The following WDR55 variants were observed in gnomAD, a reference collection of about 807,000 sequenced individuals.
The protein encoded by WDR55 is WD repeat-containing protein 55.
A neutral mutation model predicts 34.0 loss-of-function variants in WDR55; 31 were observed. The observed-to-expected ratio is 0.91, with a 90% CI of 0.69 to 1.23. WDR55 has a LOEUF of 1.23. WDR55 is among the 50% of genes most tolerant of loss of function. The probability of loss-of-function intolerance (pLI) is 0.00; values close to 1 mark genes in which losing one functional copy is unlikely to be tolerated. For synonymous variants in WDR55, 164 were observed against 185.9 expected (o/e 0.88, Z 0.96); for missense variants, 440 against 494.6 (o/e 0.89, Z 1.05).
In WDR55 at chr5:140,666,969, T is replaced by G. The variant is rs898410828; in HGVS notation, c.192-1265T>G. 7.1e-6 allele frequency: 7 copies of G among 985,374 alleles called. No homozygotes were observed. In the African/African-American group the frequency reaches 1.2e-4, roughly 17 times the overall value. 61.0% of individuals were successfully genotyped at this position (985,374 alleles called of 1,614,324 possible). ...TGTTATGCTTATCAGATTTACTTAA[T>G]GAATTTAAACCTCAACCCCTCATTA... is the stretch of plus-strand genomic sequence containing the variant. On this transcript the variant is annotated intron_variant, in intron 1 of 6. Transcript: ENST00000358337.
At chr5:140,666,682 GA>G (rs1757933015) in intron 1 of WDR55, 1 of 984,936 alleles carries the variant, frequency 1.0e-6, no homozygotes, top group Admixed American at 6.2e-5. Flanking sequence ...GCCTCACAGA[GA>G]AATACCTTTT....
chr5:140,668,719 A>T lies in WDR55; in HGVS notation c.488A>T (p.Asp163Val). The part of the protein sequence containing the change: ...WDQRKEGPLM[D>V]MRQHEEYIAD... Reference sequence around the variant, plus strand: ...CAGCGGAAGGAGGGCCCCTTAATGGATATGAGGCAACATGAAGAGTACATC... The same window carrying T: ...CAGCGGAAGGAGGGCCCCTTAATGGTTATGAGGCAACATGAAGAGTACATC... The change falls in exon 4 of 7, where the codon GAT (aspartate) becomes GTT (valine). Residue 163 changes from aspartate (D) to valine (V), a missense_variant. By Grantham distance (152) the Asp-to-Val change is radical. Coordinates refer to ENST00000358337, the MANE Select transcript of WDR55 (RefSeq NM_017706.5). 6.2e-7 allele frequency: 1 copy of T among 1,614,176 alleles called. No individual in the cohort carries two copies. Among genetic ancestry groups the T allele is most frequent in the Non-Finnish European group, 8.5e-7 (1 of 1,180,040 alleles).
In WDR55 at chr5:140,668,506, A is replaced by C. The variant is rs1164217795; in HGVS notation, c.380+4A>C. 6.2e-7 allele frequency: 1 copy of C among 1,613,966 alleles called. No individual in the cohort carries two copies. On this transcript the variant is annotated splice_donor_region_variant and intron_variant, in intron 3 of 6. Transcript: ENST00000358337. ...GACGTGTTTCCAAGGCTCATGGGTA[A>C]GGAGAGCAGCCAATTCTGTGTATGT...
In WDR55 at chr5:140,669,443, G is replaced by A. The variant is rs1480575979; in HGVS notation, c.941G>A (p.Gly314Asp). 3 of 1,613,990 alleles carry A rather than the reference G, an allele frequency of 1.9e-6. No individual in the cohort carries two copies. In the African/African-American group the frequency reaches 4.0e-5, roughly 22 times the overall value. Residue 314 changes from glycine (G) to aspartate (D), a missense_variant, in exon 7 of 7, where the codon GGC becomes GAC. Physicochemically the swap from Gly to Asp is moderately conservative, Grantham distance 94. Coordinates refer to ENST00000358337, the MANE Select transcript of WDR55 (RefSeq NM_017706.5). Reference protein sequence around the residue: ...SHCGRFLASSGHDQRLKFWDM... With the variant: ...SHCGRFLASSDHDQRLKFWDM... ...TGTGGCCGCTTCCTGGCCAGTAGTG[G>A]CCATGACCAGCGCCTCAAGTTTTGG...
At position 140,664,980 on chromosome 5, in the gene WDR55, A is replaced by G. The variant is rs751926406; in HGVS notation, c.68A>G (p.Glu23Gly). The G allele has an allele frequency of 5.6e-6, 9 of 1,613,470 alleles. No homozygotes were observed. The highest frequency in any genetic ancestry group is 1.3e-5 in the African/African-American group (1 of 74,908). ...GSDEEDPDSM[E>G]APTRIRDTPE... ...GACGAGGAGGACCCAGACTCCATGG[A>G]AGCCCCAACCCGGATCCGGGACACT... Residue 23 changes from glutamate (E) to glycine (G), a missense_variant, in exon 1 of 7, where the codon GAA becomes GGA. Glu to Gly is a moderately conservative substitution (Grantham distance 98). Transcript: ENST00000358337.
intron 1 of WDR55, chr5:140,666,702 TATG>T: frequency 1.0e-6 from 1 of 985,136 alleles, no homozygotes; most frequent in Non-Finnish European, 1.2e-6. Flanking sequence ...TTACATTATA[TATG>T]ATGCTCTGTG....
Position 140,665,095 on chromosome 5 carries a change from C to CGT in WDR55, c.186_187dup (p.Phe63CysfsTer50). The CGT allele has an allele frequency of 6.3e-7, 1 of 1,595,444 alleles. No individual in the cohort carries two copies. The highest frequency in any genetic ancestry group is 8.6e-7 in the Non-Finnish European group (1 of 1,169,018). Reference sequence around the variant, plus strand: ...TGGCTGCAGGGGACGTGGACGGGGACGTGTTCGTGTGAGAGCGGGGCAGGG... The same window carrying CGT: ...TGGCTGCAGGGGACGTGGACGGGGACGTGTGTTCGTGTGAGAGCGGGGCAGGG... On this transcript the variant is annotated frameshift_variant, in exon 1 of 7. Transcript: ENST00000358337. LOFTEE classifies it high-confidence loss of function.
chr5:140,667,132 CTA>C, intron 1 of WDR55: 1 of 985,426 alleles, frequency 1.0e-6, no homozygotes, highest in Non-Finnish European at 1.2e-6. Context: ...CCTTCTACTA[CTA>C]TCCATATTTA....
Position 140,671,225 on chromosome 5 carries a change from C to T in WDR55, c.*1571C>T, listed in dbSNP as rs1481714750. 10 of 1,602,410 alleles carry T rather than the reference C, an allele frequency of 6.2e-6. No individual in the cohort carries two copies. In the East Asian group the frequency reaches 6.7e-5, roughly 11 times the overall value. ...GGGGGTCAGAAAGTGGCCACCCAGG[C>T]CTGCTGGGATGGGGCCTGACACAGG... On this transcript the variant is annotated 3_prime_UTR_variant, in exon 7 of 7. Coordinates refer to ENST00000358337, the MANE Select transcript of WDR55 (RefSeq NM_017706.5).
Position 140,672,105 on chromosome 5 carries a change from CAG to C in WDR55, c.*2453_*2454del, listed in dbSNP as rs1342860369. ...TAATTCTCATAACAGTCTGAGGAAA[CAG>C]ATTCTATAGTAGTAAAAAGCTCAGT... On this transcript the variant is annotated 3_prime_UTR_variant, in exon 7 of 7. Transcript: ENST00000358337. 5.5e-6 allele frequency: 3 copies of C among 543,416 alleles called. No homozygotes were observed. The highest frequency in any genetic ancestry group is 2.1e-5 in the South Asian group (1 of 46,632). The allele number at this position is 543,416 out of a possible 1,614,324, so 33.7% of individuals were successfully genotyped here.
chr5:140,665,929 C>T (rs1165757370), intron 1 of WDR55, among the ~76,000 whole-genome samples: 1 of 150,508 alleles, frequency 6.6e-6, no homozygotes, highest in Non-Finnish European at 1.5e-5. Flanking sequence ...TGGATTCGGG[C>T]GGTGGAGGTT....
At position 140,670,852 on chromosome 5, in the gene WDR55, A is replaced by T. The variant is rs59018738; in HGVS notation, c.*1198A>T. ...CCAGCATAGAAAGACCCAAAACTAT[A>T]CAGAAACCAAAACCAGAATGCCATG... On this transcript the variant is annotated 3_prime_UTR_variant, in exon 7 of 7. Coordinates refer to ENST00000358337, the MANE Select transcript of WDR55 (RefSeq NM_017706.5). 442 of 252,278 alleles carry T rather than the reference A, an allele frequency of 1.8e-3. 2 individuals carry two copies. Among genetic ancestry groups the T allele is most frequent in the African/African-American group, 9.3e-3 (418 of 44,970 alleles). The allele number at this position is 252,278 out of a possible 1,614,324, so 15.6% of individuals were successfully genotyped here. A position where few individuals can be genotyped will look rare whatever the true frequency, so the allele number is the denominator to read the frequency against.
Position 140,665,030 on chromosome 5 carries a change from C to T in WDR55, c.118C>T (p.Pro40Ser). 6.2e-7 allele frequency: 1 copy of T among 1,613,898 alleles called. No homozygotes were observed. Among genetic ancestry groups the T allele is most frequent in the Non-Finnish European group, 8.5e-7 (1 of 1,179,862 alleles). The change falls in exon 1 of 7, where the codon CCG becomes TCG. Residue 40 changes from proline to serine, a missense_variant. Physicochemically the swap from Pro to Ser is moderately conservative, Grantham distance 74 (BLOSUM62 -1). Coordinates refer to ENST00000358337, the MANE Select transcript of WDR55 (RefSeq NM_017706.5). The part of the protein sequence containing the change: ...DTPEDIVLEA[P>S]ASGLAFHPAR... Reference sequence around the variant, plus strand: ...TCCGGAAGACATCGTGCTGGAAGCTCCGGCTAGTGGGCTGGCGTTCCATCC... The same window carrying T: ...TCCGGAAGACATCGTGCTGGAAGCTTCGGCTAGTGGGCTGGCGTTCCATCC...
In WDR55 at chr5:140,669,886, A is replaced by C; in HGVS notation, c.*232A>C. Reference sequence around the variant, plus strand: ...TGGGACTACAGGTGTGCACTACCACACCAGGCCAATTTTTGTTTTTTTTTT... The same window carrying C: ...TGGGACTACAGGTGTGCACTACCACCCCAGGCCAATTTTTGTTTTTTTTTT... On this transcript the variant is annotated 3_prime_UTR_variant, in exon 7 of 7. Coordinates refer to ENST00000358337, the MANE Select transcript of WDR55 (RefSeq NM_017706.5). 2.1e-6 allele frequency: 1 copy of C among 471,636 alleles called. No homozygotes were observed. Among genetic ancestry groups the C allele is most frequent in the Non-Finnish European group, 3.7e-6 (1 of 268,862 alleles). 29.2% of individuals were successfully genotyped at this position (471,636 alleles called of 1,614,324 possible).
At chr5:140,665,159 TG>T in intron 1 of WDR55, 56 bp downstream of exon 1, 3 of 1,493,270 alleles carry the variant, frequency 2.0e-6, no homozygotes, top group Non-Finnish European at 2.7e-6. Flanking sequence ...GGGGTGGACC[TG>T]GGAACAGGAG....
At chr5:140,666,528 T>C (rs1757929667) in intron 1 of WDR55, 3 of 730,480 alleles carry the variant, frequency 4.1e-6, no homozygotes, top group Admixed American at 1.3e-4. Context: ...CAGACTAAAA[T>C]TGGTTACCTG....
At chr5:140,665,142 C>A (rs888115748) in intron 1 of WDR55, 39 bp downstream of exon 1, 2 of 1,533,356 alleles carry the variant, frequency 1.3e-6, no homozygotes, top group Admixed American at 2.0e-5. Flanking sequence ...GGTCTGGAAG[C>A]TTCCCGGGGG....
At position 140,671,888 on chromosome 5, in the gene WDR55, A is replaced by G; in HGVS notation, c.*2234A>G. On this transcript the variant is annotated 3_prime_UTR_variant, in exon 7 of 7. Transcript: ENST00000358337. ...GTAGTGTGACCATGGGTAAGAAAAG[A>G]CAATGAAGCCTTCAGCCTCCATTAT... The G allele has an allele frequency of 1.0e-6, 1 of 961,874 alleles. No individual in the cohort carries two copies. The highest frequency in any genetic ancestry group is 1.6e-6 in the Non-Finnish European group (1 of 621,060). The allele number at this position is 961,874 out of a possible 1,614,324, so 59.6% of individuals were successfully genotyped here.
In WDR55 at chr5:140,671,456, G is replaced by A; in HGVS notation, c.*1802G>A. 2 of 1,609,932 alleles carry A rather than the reference G, an allele frequency of 1.2e-6. No individual in the cohort carries two copies. Among genetic ancestry groups the A allele is most frequent in the Non-Finnish European group, 1.7e-6 (2 of 1,179,116 alleles). ...CACAACCCAGATGAGGCCGCTGAAG[G>A]GCACCGGATGCCCAGGAATCACCAC... On this transcript the variant is annotated 3_prime_UTR_variant, in exon 7 of 7. Coordinates refer to ENST00000358337, the MANE Select transcript of WDR55 (RefSeq NM_017706.5).
Sources: gnomAD v4.1 joint callset for allele counts (sites outside exome capture counted in the v4.1 genomes callset) on GRCh38, gnomAD v4.1.1 for gene constraint, MANE v1.5 for transcripts, NCBI Gene and HGNC (gene_info 2026-07-23, HGNC 2026-07-21) for gene names.